The following RIMBP2 variants were observed in gnomAD, a reference collection of about 807,000 sequenced individuals.
RIMBP2 encodes RIMS binding protein 2, also known as RIMS-binding protein 2.
In RIMBP2, 48 loss-of-function variants were observed where a neutral mutation model predicts 118.6. The observed-to-expected ratio is 0.40, with a 90% CI of 0.32 to 0.51. The LOEUF (loss-of-function observed/expected upper bound fraction) is 0.51, where lower values mean the gene tolerates loss of function less well. RIMBP2 is among the 20% of genes least tolerant of loss of function. The probability of loss-of-function intolerance (pLI) is 0.41; values close to 1 mark genes in which losing one functional copy is unlikely to be tolerated. For synonymous variants in RIMBP2, 762 were observed against 742.9 expected, an observed-to-expected ratio of 1.03 and a Z score of -0.42; for missense variants, 1,551 against 1,768.3, an observed-to-expected ratio of 0.88 and a Z score of 2.20.
chr12:130,478,534 C>T (rs1229152589), intron 5 of RIMBP2, among the ~76,000 whole-genome samples: 1 of 152,180 alleles, frequency 6.6e-6, no homozygotes, highest in Non-Finnish European at 1.5e-5. Flanking sequence ...TGCAGGGCAT[C>T]GTCCAGGATG....
At chr12:130,704,292 A>G (rs2065992582) in intron 1 of RIMBP2, among the ~76,000 whole-genome samples, 1 of 152,148 alleles carries the variant, frequency 6.6e-6, no homozygotes, top group Non-Finnish European at 1.5e-5. Flanking sequence ...AAATAAACAA[A>G]AAGCCAGGGG....
At chr12:130,514,520 C>T (rs180765163) in intron 3 of RIMBP2, among the ~76,000 whole-genome samples, 16 of 152,266 alleles carry the variant, frequency 1.1e-4, no homozygotes, top group African/African-American at 3.8e-4. Flanking sequence ...CCCATCCCCC[C>T]ACAGCTGGCA....
intron 5 of RIMBP2, among the ~76,000 whole-genome samples, chr12:130,477,376 G>A (rs946005906): frequency 1.3e-5 from 2 of 152,158 alleles, no homozygotes; most frequent in East Asian, 1.9e-4. Flanking sequence ...GACGGTCCCC[G>A]CCTGGGGACG....
chr12:130,654,138 C>T (rs2063335015), intron 1 of RIMBP2, among the ~76,000 whole-genome samples: 1 of 152,242 alleles, frequency 6.6e-6, no homozygotes, highest in African/African-American at 2.4e-5. Flanking sequence ...CTTTTTCCTT[C>T]TCTGCCACAT....
intron 11 of RIMBP2, among the ~76,000 whole-genome samples, chr12:130,441,417 A>C (rs35021938): frequency 0.065 from 9,044 of 139,080 alleles, 379 homozygotes; most frequent in Non-Finnish European, 0.082. Context: ...TAATAATAAT[A>C]ATAATAATAA....
chr12:130,546,261 G>A (rs935898191), intron 2 of RIMBP2, among the ~76,000 whole-genome samples: 17 of 149,426 alleles, frequency 1.1e-4, no homozygotes, highest in Non-Finnish European at 5.9e-5. Context: ...CCACTACCAC[G>A]CCCAGCTAAG....
At chr12:130,704,534 C>T (rs532720895) in intron 1 of RIMBP2, among the ~76,000 whole-genome samples, 1 of 152,254 alleles carries the variant, frequency 6.6e-6, no homozygotes, top group South Asian at 2.1e-4. Context: ...AAGATCATGC[C>T]ACTGCACTCC....
At chr12:130,686,562 C>T (rs12307955) in intron 1 of RIMBP2, among the ~76,000 whole-genome samples, 6,361 of 152,338 alleles carry the variant, frequency 0.042, 442 homozygotes, top group African/African-American at 0.14. Context: ...GAGATGACAG[C>T]CCATCGCTGT....
At chr12:130,487,701 A>G (rs1021935003) in intron 4 of RIMBP2, among the ~76,000 whole-genome samples, 3 of 152,126 alleles carry the variant, frequency 2.0e-5, no homozygotes, top group African/African-American at 4.8e-5. Flanking sequence ...TGTTTATTCT[A>G]TGTCATCCTT....
intron 2 of RIMBP2, among the ~76,000 whole-genome samples, chr12:130,603,358 T>C (rs2059977377): frequency 6.6e-6 from 1 of 152,072 alleles, no homozygotes. Context: ...CCCTACTAAC[T>C]TCAACGGACT....
At chr12:130,637,834 T>A (rs188524294) in intron 1 of RIMBP2, among the ~76,000 whole-genome samples, 1 of 152,340 alleles carries the variant, frequency 6.6e-6, no homozygotes, top group East Asian at 1.9e-4. Flanking sequence ...AGAGGAGGGA[T>A]GAGCAGATTC....
At chr12:130,455,394 C>T (rs947557226) in intron 7 of RIMBP2, among the ~76,000 whole-genome samples, 2 of 152,356 alleles carry the variant, frequency 1.3e-5, no homozygotes, top group African/African-American at 4.8e-5. Context: ...GAGCTCCGCA[C>T]GGTGCCCTGT....
At chr12:130,522,234 A>C (rs1485997910) in intron 2 of RIMBP2, among the ~76,000 whole-genome samples, 1 of 152,250 alleles carries the variant, frequency 6.6e-6, no homozygotes, top group Non-Finnish European at 1.5e-5. Flanking sequence ...TCATGGGCAA[A>C]AAGTGAATTC....
At chr12:130,659,147 C>G (rs2063548655) in intron 1 of RIMBP2, among the ~76,000 whole-genome samples, 1 of 152,190 alleles carries the variant, frequency 6.6e-6, no homozygotes, top group Non-Finnish European at 1.5e-5. Flanking sequence ...TGTCAGCCAC[C>G]TGCATAACTT....
chr12:130,404,554 C>A (rs2074980709), intron 21 of RIMBP2, among the ~76,000 whole-genome samples: 1 of 152,174 alleles, frequency 6.6e-6, no homozygotes, highest in Admixed American at 6.5e-5. Flanking sequence ...CACGCCTCAG[C>A]CTCCGCATGA....
intron 14 of RIMBP2, chr12:130,429,598 G>C (rs1325275565): frequency 1.3e-5 from 2 of 152,198 alleles, no homozygotes; most frequent in Middle Eastern, 3.4e-3. Context: ...ATTTTGCGGA[G>C]GTGTGGCAAG....
intron 2 of RIMBP2, among the ~76,000 whole-genome samples, chr12:130,563,960 A>ACTC (rs10649370): frequency 0.35 from 53,137 of 151,872 alleles, 10,272 homozygotes; most frequent in East Asian, 0.53. Flanking sequence ...CTCTGCTGCT[A>ACTC]CATTTTCCCC....
rs999460830 is a variant in RIMBP2 at position 130,420,699 on chromosome 12, T to C, written c.3238+1754A>G. Among the ~76,000 whole-genome samples, 2 of 152,174 alleles carry C rather than the reference T, an allele frequency of 1.3e-5. No homozygotes were observed. Among genetic ancestry groups the C allele is most frequent in the East Asian group, 1.9e-4 (1 of 5,190 alleles). On this transcript the variant is annotated intron_variant, in intron 17 of 22. Coordinates refer to ENST00000690449, the MANE Select transcript of RIMBP2 (RefSeq NM_001393629.1). The surrounding 1 kb of genome is among the most constrained non-coding windows in gnomAD (Gnocchi z 4.3). ...CAAAAAATAATTATTTAAGCCAATA[T>C]TGAGTCTAAGTCCAAGCAACAAGAC...
intron 2 of RIMBP2, among the ~76,000 whole-genome samples, chr12:130,615,893 A>G (rs1372911373): frequency 1.3e-5 from 2 of 152,078 alleles, no homozygotes; most frequent in African/African-American, 4.8e-5. Context: ...AGCCCCCCTG[A>G]GCCCACCCAG....
Sources: allele counts gnomAD v4.1 joint callset (sites outside exome capture counted in the v4.1 genomes callset), GRCh38; gene constraint gnomAD v4.1.1; non-coding constraint Gnocchi (gnomAD v3.1); transcripts MANE v1.5; gene names NCBI Gene and HGNC (gene_info 2026-07-23, HGNC 2026-07-21).